CNTN6: variants seen among roughly 807,000 people sequenced by gnomAD.
CNTN6 encodes the protein contactin-6.
CNTN6 carries 137 observed loss-of-function variants against 122.8 expected under a neutral mutation model. That is an observed-to-expected ratio of 1.12 (90% CI 0.97 to 1.29). The LOEUF (loss-of-function observed/expected upper bound fraction) is 1.29, where lower values mean the gene tolerates loss of function less well. Ranked by LOEUF, CNTN6 falls within the 50% of genes most tolerant of loss-of-function variation. The probability of loss-of-function intolerance (pLI) is 0.00; values close to 1 mark genes in which losing one functional copy is unlikely to be tolerated. For missense variants in CNTN6, 1,634 were observed against 1,223.4 expected, an observed-to-expected ratio of 1.34 and a Z score of -5.01; for synonymous variants, 570 against 426.0, an observed-to-expected ratio of 1.34 and a Z score of -4.16.
intron 19 of CNTN6, among the ~76,000 whole-genome samples, chr3:1,384,159 A>C (rs1189793566): frequency 6.6e-6 from 1 of 152,244 alleles, no homozygotes; most frequent in South Asian, 2.1e-4. Context: ...GTGCACACAG[A>C]GTCAACAATT....
chr3:1,368,845 T>G (rs952301027), intron 12 of CNTN6, among the ~76,000 whole-genome samples: 2 of 152,174 alleles, frequency 1.3e-5, no homozygotes, highest in African/African-American at 4.8e-5. Flanking sequence ...GCGAAAAGCT[T>G]TGTATTTAAT....
intron 2 of CNTN6, among the ~76,000 whole-genome samples, chr3:1,158,849 CATACATATATAT>C (rs2093046919): frequency 3.7e-5 from 2 of 54,370 alleles, no homozygotes; most frequent in East Asian, 5.9e-4. Context: ...CATATATATA[CATACATATATAT>C]ACACACATAT....
rs1253456865 is a variant in CNTN6, at chr3:1,321,692, G to A, written c.804G>A (p.Pro268=). Residue 268 remains proline (P), a synonymous_variant, in exon 8 of 23, where the codon CCG becomes CCA. Transcript: ENST00000446702. ...GTTGGAGAAGGTTGGACGGGAGCCCGTTGCCAGGGAAAGTCAAGTACAGCA... is the reference window on the plus strand; with the variant it reads ...GTTGGAGAAGGTTGGACGGGAGCCCATTGCCAGGGAAAGTCAAGTACAGCA... ...DISWRRLDGS[P]LPGKVKYSKS... The A allele has an allele frequency of 5.0e-6, 8 of 1,611,356 alleles. No individual in the cohort carries two copies. The highest frequency in any genetic ancestry group is 6.8e-6 in the Non-Finnish European group (8 of 1,178,414).
intron 4 of CNTN6, among the ~76,000 whole-genome samples, chr3:1,257,805 C>A (rs1481030772): frequency 2.6e-5 from 4 of 152,176 alleles, no homozygotes; most frequent in African/African-American, 9.7e-5. Flanking sequence ...CTAGAGAAAG[C>A]CCATTTAACA....
intron 8 of CNTN6, among the ~76,000 whole-genome samples, chr3:1,322,461 A>G (rs1700989645): frequency 6.6e-6 from 1 of 151,772 alleles, no homozygotes; most frequent in African/African-American, 2.4e-5. Flanking sequence ...AAACAATACA[A>G]TATATCTCAG....
intron 12 of CNTN6, among the ~76,000 whole-genome samples, chr3:1,358,412 C>T (rs1551995): frequency 0.32 from 48,319 of 150,856 alleles, 8,948 homozygotes; most frequent in Non-Finnish European, 0.43. Flanking sequence ...TCTTCTTAGG[C>T]ATTCTCTCTC....
At chr3:1,368,465 C>T (rs1033208700) in intron 12 of CNTN6, among the ~76,000 whole-genome samples, 8 of 152,174 alleles carry the variant, frequency 5.3e-5, no homozygotes, top group African/African-American at 1.9e-4. Context: ...AATGTTACTA[C>T]AGTCTATAAA....
chr3:1,303,871 A>G (rs1015040599), intron 7 of CNTN6, among the ~76,000 whole-genome samples: 2 of 152,180 alleles, frequency 1.3e-5, no homozygotes, highest in African/African-American at 2.4e-5. Flanking sequence ...AGGCTGGTTT[A>G]CTACTAAAAT....
rs182767541 is a variant in CNTN6, at chr3:1,365,042, C to T, written c.1493-7257C>T. ...AGAAAGTGAATGAGAAATGTTCCTC[C>T]CTATTCTGTATGTAAATATTCACTC... On this transcript the variant is annotated intron_variant, in intron 12 of 22. Transcript: ENST00000446702. 2.6e-3 allele frequency among the ~76,000 whole-genome samples: 392 copies of T among 152,024 alleles called. 2 individuals are homozygous for T. Among genetic ancestry groups the T allele is most frequent in the African/African-American group, 9.2e-3 (380 of 41,522 alleles).
In CNTN6 at chr3:1,276,872, C is replaced by G. The variant is rs545840223; in HGVS notation, c.359-1541C>G. ...GCTATGTTTCTGCTCCAGCTAGTCA[C>G]TCAAATACCCGGGTGAATGGTGGCT... On this transcript the variant is annotated intron_variant, in intron 4 of 22. Transcript: ENST00000446702. Among the ~76,000 whole-genome samples, 17 of 152,280 alleles carry G rather than the reference C, an allele frequency of 1.1e-4. No individual in the cohort carries two copies. The South Asian group carries it at 3.5e-3, about 32-fold the overall frequency.
At chr3:1,228,699 CAACCA>C (rs1404783621) in intron 4 of CNTN6, among the ~76,000 whole-genome samples, 2 of 152,104 alleles carry the variant, frequency 1.3e-5, no homozygotes, top group Non-Finnish European at 2.9e-5. Flanking sequence ...CCCTTTGCAC[CAACCA>C]TTATGTCCCA....
At chr3:1,114,304 C>G (rs1248968071) in intron 1 of CNTN6, among the ~76,000 whole-genome samples, 1 of 152,182 alleles carries the variant, frequency 6.6e-6, no homozygotes, top group Non-Finnish European at 1.5e-5. Flanking sequence ...TTAGCCATCA[C>G]TTGAATGCAC....
chr3:1,251,923 G>C, intron 4 of CNTN6, among the ~76,000 whole-genome samples: 1 of 152,068 alleles, frequency 6.6e-6, no homozygotes, highest in East Asian at 1.9e-4. Flanking sequence ...GATGGACTTT[G>C]GCTGTACTTG....
intron 4 of CNTN6, among the ~76,000 whole-genome samples, chr3:1,268,555 C>T (rs9835011): frequency 0.028 from 3,909 of 138,330 alleles, 226 homozygotes; most frequent in African/African-American, 0.1. Context: ...TGCAGTGAGC[C>T]GAGATTGAGC....
At chr3:1,157,677 A>T (rs1277185034) in intron 2 of CNTN6, among the ~76,000 whole-genome samples, 1 of 152,046 alleles carries the variant, frequency 6.6e-6, no homozygotes, top group African/African-American at 2.4e-5. Context: ...GCCTCTAGTA[A>T]CCATCCTTCT....
intron 7 of CNTN6, among the ~76,000 whole-genome samples, chr3:1,310,948 C>T (rs560761476): frequency 6.6e-6 from 1 of 152,126 alleles, no homozygotes; most frequent in South Asian, 2.1e-4. Flanking sequence ...TTGCTGTGAG[C>T]TGAGATTGTG....
intron 20 of CNTN6, among the ~76,000 whole-genome samples, chr3:1,390,209 T>C (rs548505599): frequency 6.6e-6 from 1 of 152,000 alleles, no homozygotes; most frequent in Admixed American, 6.6e-5. Context: ...TAACAAACTA[T>C]CTCTCAGGCC....
At chr3:1,398,456 ATAT>A (rs1230548082) in intron 20 of CNTN6, among the ~76,000 whole-genome samples, 1 of 152,160 alleles carries the variant, frequency 6.6e-6, no homozygotes. Flanking sequence ...AGTAAGAGCA[ATAT>A]TATTAAGGGG....
intron 12 of CNTN6, among the ~76,000 whole-genome samples, chr3:1,362,928 A>G (rs1707681763): frequency 6.6e-6 from 1 of 151,888 alleles, no homozygotes; most frequent in African/African-American, 2.4e-5. Context: ...CAAGACTAGC[A>G]GTTGATATAA....
Sources: allele counts gnomAD v4.1 joint callset (sites outside exome capture counted in the v4.1 genomes callset), GRCh38; gene constraint gnomAD v4.1.1; transcripts MANE v1.5; gene names NCBI Gene and HGNC (gene_info 2026-07-23, HGNC 2026-07-21).